Variants in ZNF804A observed in about 807,000 individuals in gnomAD.
ZNF804A encodes the protein zinc finger protein 804A.
Under a neutral mutation model 16.5 loss-of-function variants are expected in ZNF804A, and 2 were observed. That is an observed-to-expected ratio of 0.12 (90% CI 0.05 to 0.38). The LOEUF is 0.38. Ranked by LOEUF, ZNF804A falls within the 10% of genes least tolerant of loss-of-function variation. The pLI is 0.99. For missense variants in ZNF804A, 1,473 were observed against 1,390.7 expected (o/e 1.06, Z -0.94); for synonymous variants, 534 against 489.6 (o/e 1.09, Z -1.20).
intron 1 of ZNF804A, among the ~76,000 whole-genome samples, chr2:184,784,170 T>C (rs1161057278): frequency 6.6e-6 from 1 of 151,900 alleles, no homozygotes; most frequent in African/African-American, 2.4e-5. Flanking sequence ...AATACAACTT[T>C]GGTAAGGTGA....
intron 1 of ZNF804A, among the ~76,000 whole-genome samples, chr2:184,633,370 A>G (rs1574139918): frequency 1.3e-5 from 2 of 152,202 alleles, no homozygotes; most frequent in East Asian, 3.9e-4. Flanking sequence ...TTTTTTAAAT[A>G]AAAAGTAGGT....
intron 2 of ZNF804A, among the ~76,000 whole-genome samples, chr2:184,923,076 T>C (rs1475338433): frequency 6.6e-6 from 1 of 152,046 alleles, no homozygotes; most frequent in Non-Finnish European, 1.5e-5. Context: ...ATGATTTTTA[T>C]TTATGTGAAT....
chr2:184,743,605 T>C (rs1693740093), intron 1 of ZNF804A, among the ~76,000 whole-genome samples: 1 of 151,920 alleles, frequency 6.6e-6, no homozygotes, highest in Admixed American at 6.6e-5. Flanking sequence ...GTGGAATGCA[T>C]TGCATGACAC....
chr2:184,622,974 CA>C (rs1208871756), intron 1 of ZNF804A, among the ~76,000 whole-genome samples: 13 of 151,940 alleles, frequency 8.6e-5, no homozygotes, highest in African/African-American at 2.7e-4. Flanking sequence ...CAGTACTACA[CA>C]AATGAGAAGC....
At chr2:184,823,853 C>CT (rs1695120935) in intron 1 of ZNF804A, among the ~76,000 whole-genome samples, 1 of 152,068 alleles carries the variant, frequency 6.6e-6, no homozygotes, top group Non-Finnish European at 1.5e-5. Flanking sequence ...AATGTATGAT[C>CT]TTCATGATTC....
chr2:184,738,600 A>G (rs1190164950), intron 1 of ZNF804A, among the ~76,000 whole-genome samples: 2 of 152,188 alleles, frequency 1.3e-5, no homozygotes, highest in Non-Finnish European at 2.9e-5. Context: ...ATTATATTCC[A>G]TTTGCTGCAT....
intron 1 of ZNF804A, among the ~76,000 whole-genome samples, chr2:184,603,044 C>A (rs1434228853): frequency 6.6e-6 from 1 of 152,180 alleles, no homozygotes; most frequent in Non-Finnish European, 1.5e-5. Context: ...GCAAATATCA[C>A]TCATTTCTGT....
chr2:184,732,944 A>G (rs1054527211), intron 1 of ZNF804A, among the ~76,000 whole-genome samples: 2 of 151,986 alleles, frequency 1.3e-5, no homozygotes, highest in Middle Eastern at 3.2e-3. Flanking sequence ...ATTCTTTTGT[A>G]TTTTCTACAT....
chr2:184,629,587 T>C (rs896706614), intron 1 of ZNF804A, among the ~76,000 whole-genome samples: 1 of 152,130 alleles, frequency 6.6e-6, no homozygotes, highest in Admixed American at 6.6e-5. Context: ...CACTTCAAAG[T>C]AAAATACAGC....
At chr2:184,778,110 A>G (rs1213370087) in intron 1 of ZNF804A, among the ~76,000 whole-genome samples, 2 of 151,626 alleles carry the variant, frequency 1.3e-5, no homozygotes, top group Middle Eastern at 3.2e-3. Flanking sequence ...TTCTAGCATT[A>G]TGCTGCAAAG....
At chr2:184,636,991 A>G (rs942711186) in intron 1 of ZNF804A, among the ~76,000 whole-genome samples, 1 of 152,158 alleles carries the variant, frequency 6.6e-6, no homozygotes, top group African/African-American at 2.4e-5. Context: ...TTTGAAATCA[A>G]TGCAATTTAA....
intron 1 of ZNF804A, among the ~76,000 whole-genome samples, chr2:184,623,543 A>G (rs944590522): frequency 6.6e-6 from 1 of 152,086 alleles, no homozygotes; most frequent in Non-Finnish European, 1.5e-5. Context: ...CATTTGTTTT[A>G]TTGACTTTTG....
At chr2:184,920,094 AAC>A (rs1325754216) in intron 2 of ZNF804A, among the ~76,000 whole-genome samples, 1 of 152,116 alleles carries the variant, frequency 6.6e-6, no homozygotes, top group Non-Finnish European at 1.5e-5. Context: ...CAGCCTGGGA[AAC>A]AGAGTGAGAT....
In ZNF804A at chr2:184,640,941, T is replaced by C. The variant is rs576445266; in HGVS notation, c.111+41871T>C. Among the ~76,000 whole-genome samples the C allele has an allele frequency of 1.0e-3, 159 of 152,252 alleles. 2 individuals are homozygous for C. Among genetic ancestry groups the C allele is most frequent in the African/African-American group, 3.6e-3 (150 of 41,556 alleles). On this transcript the variant is annotated intron_variant, in intron 1 of 3. Coordinates refer to ENST00000302277, the MANE Select transcript of ZNF804A (RefSeq NM_194250.2). Reference sequence around the variant, plus strand: ...CAACAATGCCCAATCTTTCCACTTATCTTTTTTAAAATTTTTTATTTTATT... The same window carrying C: ...CAACAATGCCCAATCTTTCCACTTACCTTTTTTAAAATTTTTTATTTTATT...
At chr2:184,815,646 A>C (rs1252011844) in intron 1 of ZNF804A, among the ~76,000 whole-genome samples, 1 of 151,962 alleles carries the variant, frequency 6.6e-6, no homozygotes, top group Non-Finnish European at 1.5e-5. Context: ...TAATTTAATT[A>C]TGTCTTTTAA....
At chr2:184,755,728 A>G (rs766807625) in intron 1 of ZNF804A, among the ~76,000 whole-genome samples, 2 of 151,974 alleles carry the variant, frequency 1.3e-5, no homozygotes, top group Non-Finnish European at 2.9e-5. Context: ...AATGTAAACT[A>G]GTCAATTCTT....
At chr2:184,734,354 T>C (rs1173695883) in intron 1 of ZNF804A, among the ~76,000 whole-genome samples, 1 of 152,212 alleles carries the variant, frequency 6.6e-6, no homozygotes, top group Non-Finnish European at 1.5e-5. Flanking sequence ...CTACAAACTT[T>C]TGTAAATTGT....
At chr2:184,669,544 C>T (rs1331415392) in intron 1 of ZNF804A, among the ~76,000 whole-genome samples, 1 of 152,014 alleles carries the variant, frequency 6.6e-6, no homozygotes, top group East Asian at 1.9e-4. Context: ...CCTTCTTTGC[C>T]ACCCTGGTTC....
At chr2:184,646,319 C>T (rs546954984) in intron 1 of ZNF804A, among the ~76,000 whole-genome samples, 3 of 152,294 alleles carry the variant, frequency 2.0e-5, no homozygotes, top group East Asian at 1.9e-4. Flanking sequence ...AGTTTCTCTT[C>T]GGCAGTGAGA....
Sources: gnomAD v4.1 joint callset for allele counts (sites outside exome capture counted in the v4.1 genomes callset) on GRCh38, gnomAD v4.1.1 for gene constraint, MANE v1.5 for transcripts, NCBI Gene and HGNC (gene_info 2026-07-23, HGNC 2026-07-21) for gene names.